Variants in ZNF407 observed in about 807,000 individuals in gnomAD.
ZNF407 encodes the protein zinc finger protein 407.
Under a neutral mutation model 131.2 loss-of-function variants are expected in ZNF407, and 17 were observed. The observed-to-expected ratio is 0.13, with a 90% confidence interval of 0.09 to 0.19. The LOEUF (loss-of-function observed/expected upper bound fraction) is 0.19, where lower values mean the gene tolerates loss of function less well. Among genes scored for constraint, ZNF407 ranks in the 10% least tolerant of loss-of-function variants. The pLI, the probability that ZNF407 is intolerant of heterozygous loss-of-function variation, is 1.00. For synonymous variants in ZNF407, 1,156 were observed against 1,062.0 expected (o/e 1.09, Z -1.72); for missense variants, 2,681 against 2,830.6 (o/e 0.95, Z 1.20).
At chr18:74,766,664 T>G (rs1599136682) in intron 3 of ZNF407, among the ~76,000 whole-genome samples, 1 of 152,160 alleles carries the variant, frequency 6.6e-6, no homozygotes, top group East Asian at 1.9e-4. Context: ...AAGATACACT[T>G]CTAGCCAACA....
At chr18:74,599,257 T>G (rs1260278577) in intron 1 of ZNF407, among the ~76,000 whole-genome samples, 1 of 152,236 alleles carries the variant, frequency 6.6e-6, no homozygotes, top group East Asian at 1.9e-4. Flanking sequence ...TCTTCTTGCG[T>G]GACATGTAAG....
intron 4 of ZNF407, among the ~76,000 whole-genome samples, chr18:74,821,460 C>T (rs142783987): frequency 3.3e-5 from 5 of 151,866 alleles, no homozygotes; most frequent in Non-Finnish European, 4.4e-5. Context: ...GTGATGATCC[C>T]CTCCCTGTGT....
chr18:74,666,132 C>T (rs184287400), intron 3 of ZNF407, among the ~76,000 whole-genome samples: 18 of 152,154 alleles, frequency 1.2e-4, no homozygotes, highest in African/African-American at 9.7e-5. Context: ...GCTGTGTGCA[C>T]GCCCCGCAGA....
intron 8 of ZNF407, among the ~76,000 whole-genome samples, chr18:75,033,251 G>T (rs1973267109): frequency 1.4e-5 from 2 of 143,152 alleles, no homozygotes; most frequent in East Asian, 2.2e-4. Flanking sequence ...TGCTCGGAAT[G>T]GGGGGAAGAT....
rs1972509493 is a variant in ZNF407 at position 74,974,724 on chromosome 18, A to G, written c.5428+54032A>G. On this transcript the variant is annotated intron_variant, in intron 8 of 8. Coordinates refer to ENST00000299687, the MANE Select transcript of ZNF407 (RefSeq NM_017757.3). ...CATGAGGGGACACTAATTTGAGATC[A>G]TCAGAGTTCTTCATGCAATGAAAGT... 2.0e-5 allele frequency among the ~76,000 whole-genome samples: 3 copies of G among 152,358 alleles called. No individual in the cohort carries two copies. The South Asian group carries it at 6.2e-4, about 32-fold the overall frequency.
intron 4 of ZNF407, among the ~76,000 whole-genome samples, chr18:74,824,126 G>A (rs754125437): frequency 9.9e-5 from 15 of 152,050 alleles, no homozygotes; most frequent in Non-Finnish European, 2.2e-4. Flanking sequence ...GATAAATAAC[G>A]AAATGAAGGC....
chr18:74,780,617 C>T (rs1216237468), intron 3 of ZNF407, among the ~76,000 whole-genome samples: 1 of 152,056 alleles, frequency 6.6e-6, no homozygotes, highest in African/African-American at 2.4e-5. Context: ...GTTTGCAAGC[C>T]CTTTTACACT....
chr18:75,021,769 A>C (rs1195504420), intron 8 of ZNF407, among the ~76,000 whole-genome samples: 1 of 152,012 alleles, frequency 6.6e-6, no homozygotes, highest in East Asian at 1.9e-4. Context: ...TACGGAAATA[A>C]AATTAAACCA....
chr18:74,739,067 A>C (rs1282362292), intron 3 of ZNF407, among the ~76,000 whole-genome samples: 1 of 151,960 alleles, frequency 6.6e-6, no homozygotes, highest in Non-Finnish European at 1.5e-5. Context: ...AAATTTTTTC[A>C]TGCCACAACA....
chr18:75,029,768 G>A (rs1368955515), intron 8 of ZNF407, among the ~76,000 whole-genome samples: 1 of 152,198 alleles, frequency 6.6e-6, no homozygotes, highest in Non-Finnish European at 1.5e-5. Flanking sequence ...GCAAACCATT[G>A]TCAACATGCG....
intron 1 of ZNF407, among the ~76,000 whole-genome samples, chr18:74,623,642 G>A (rs1270297451): frequency 1.3e-5 from 2 of 152,344 alleles, no homozygotes; most frequent in Admixed American, 6.5e-5. Context: ...GCCAGCAGGT[G>A]TCATCAGAAG....
At chr18:74,787,668 T>G (rs1969745210) in intron 4 of ZNF407, among the ~76,000 whole-genome samples, 1 of 152,214 alleles carries the variant, frequency 6.6e-6, no homozygotes, top group Non-Finnish European at 1.5e-5. Context: ...TAATTTACTT[T>G]GATGTCACGA....
intron 4 of ZNF407, among the ~76,000 whole-genome samples, chr18:74,846,404 A>G (rs1027106381): frequency 3.3e-5 from 5 of 150,990 alleles, no homozygotes; most frequent in African/African-American, 9.8e-5. Flanking sequence ...CATTGGTGCT[A>G]TCTCGGCTCA....
rs73476498 is a variant in ZNF407, at chr18:75,012,534, T to C, written c.5429-50616T>C. 2.4e-3 allele frequency among the ~76,000 whole-genome samples: 363 copies of C among 152,228 alleles called. 2 individuals are homozygous for C. Among genetic ancestry groups the C allele is most frequent in the African/African-American group, 8.4e-3 (350 of 41,546 alleles). On this transcript the variant is annotated intron_variant, in intron 8 of 8. Coordinates refer to ENST00000299687, the MANE Select transcript of ZNF407 (RefSeq NM_017757.3). ...ACACTTTGCCAACGACTCATAGACATGACATCAAATAAAAGCATTTTTTTC... is the reference window on the plus strand; with the variant it reads ...ACACTTTGCCAACGACTCATAGACACGACATCAAATAAAAGCATTTTTTTC...
intron 3 of ZNF407, among the ~76,000 whole-genome samples, chr18:74,744,787 G>GTAATACGTTGCTAA (rs35951694): frequency 1.3e-5 from 2 of 151,892 alleles, no homozygotes; most frequent in Non-Finnish European, 1.5e-5. Flanking sequence ...ATGTATTAGT[G>GTAATACGTTGCTAA]TGTAATACAT....
intron 4 of ZNF407, among the ~76,000 whole-genome samples, chr18:74,869,605 G>T (rs139984104): frequency 2.0e-5 from 3 of 152,198 alleles, no homozygotes; most frequent in African/African-American, 7.2e-5. Flanking sequence ...AACATTCAGT[G>T]TGGGTTCTTT....
At chr18:75,017,086 G>T (rs1371167002) in intron 8 of ZNF407, among the ~76,000 whole-genome samples, 1 of 152,040 alleles carries the variant, frequency 6.6e-6, no homozygotes, top group Admixed American at 6.6e-5. Context: ...TACTTATTGA[G>T]CATCTGCTTA....
chr18:74,723,024 G>C (rs572764787), intron 3 of ZNF407, among the ~76,000 whole-genome samples: 24 of 152,048 alleles, frequency 1.6e-4, no homozygotes, highest in African/African-American at 5.5e-4. Flanking sequence ...TTCTCCGTCT[G>C]TTCTTCATAT....
intron 3 of ZNF407, among the ~76,000 whole-genome samples, chr18:74,677,128 T>C (rs1358824197): frequency 6.6e-6 from 1 of 152,244 alleles, no homozygotes. Flanking sequence ...TCTCACTGTG[T>C]CACCCAGGGT....
Sources: allele counts gnomAD v4.1 joint callset (sites outside exome capture counted in the v4.1 genomes callset), GRCh38; gene constraint gnomAD v4.1.1; transcripts MANE v1.5; gene names NCBI Gene and HGNC (gene_info 2026-07-23, HGNC 2026-07-21).